NBPF4: variants seen among roughly 807,000 people sequenced by gnomAD.
The protein encoded by NBPF4 is NBPF family member NBPF4.
NBPF4 carries 11 observed loss-of-function variants against 21.1 expected under a neutral mutation model. The ratio of observed to expected loss-of-function variants is 0.52; its 90% confidence interval spans 0.33 to 0.86. The LOEUF (loss-of-function observed/expected upper bound fraction) is 0.86, where lower values mean the gene tolerates loss of function less well. Ranked by LOEUF, NBPF4 falls within the 40% of genes least tolerant of loss-of-function variation. NBPF4 has a pLI of 0.03. For synonymous variants in NBPF4, 47 were observed against 106.4 expected (o/e 0.44, Z 3.43); for missense variants, 88 against 265.3 (o/e 0.33, Z 4.64).
chr1:108,254,096 C>T, the NBPF4 span, among the ~76,000 whole-genome samples: 4 of 101,850 alleles, frequency 3.9e-5, no homozygotes, highest in African/African-American at 7.8e-5. Context: ...TTTTTTTTGG[C>T]GGAGTTTTGC....
At chr1:108,259,388 CAAAT>C in the NBPF4 span, among the ~76,000 whole-genome samples, 1 of 143,430 alleles carries the variant, frequency 7.0e-6, no homozygotes, top group Non-Finnish European at 1.5e-5. Flanking sequence ...TCTAGTTACT[CAAAT>C]GAATTTATCT....
chr1:108,259,859 G>A, the NBPF4 span, among the ~76,000 whole-genome samples: 3 of 149,464 alleles, frequency 2.0e-5, no homozygotes, highest in Admixed American at 6.6e-5. Flanking sequence ...ATTATTAATA[G>A]ATAAAATCTA....
intron 13 of NBPF4, 101 bp downstream of exon 13, chr1:108,228,819 C>A (rs1477067150): frequency 1.4e-6 from 1 of 739,188 alleles, no homozygotes; most frequent in Admixed American, 2.3e-5. Context: ...TCAACTTGAC[C>A]CTGAGGAAGC....
upstream of NBPF4, among the ~76,000 whole-genome samples, chr1:108,245,794 GA>G: frequency 1.6e-5 from 1 of 61,264 alleles, no homozygotes; most frequent in African/African-American, 7.0e-5. Context: ...TGGTTTCTGT[GA>G]TGCTGGAAGA....
At chr1:108,235,050 A>G (rs981092) in intron 9 of NBPF4, among the ~76,000 whole-genome samples, 186 bp downstream of exon 9, 5 of 35,736 alleles carry the variant, frequency 1.4e-4, no homozygotes, top group African/African-American at 6.4e-4. Context: ...TACTGAACTT[A>G]AGAAGTTAAT....
At chr1:108,241,684 A>C (rs1649727737) in intron 3 of NBPF4, among the ~76,000 whole-genome samples, 1 of 106,736 alleles carries the variant, frequency 9.4e-6, no homozygotes, top group African/African-American at 3.0e-5. Context: ...AGTGTTAAGA[A>C]GGCAATATTG....
At chr1:108,256,502 CT>C in the NBPF4 span, among the ~76,000 whole-genome samples, 26 of 117,626 alleles carry the variant, frequency 2.2e-4, no homozygotes, top group African/African-American at 9.1e-4. Flanking sequence ...TTCTTTCTTT[CT>C]TTTTTCTCCC....
At chr1:108,252,684 G>A in the NBPF4 span, among the ~76,000 whole-genome samples, 1 of 141,752 alleles carries the variant, frequency 7.1e-6, no homozygotes, top group East Asian at 2.0e-4. Context: ...ATTTCTTCCA[G>A]TTTTTTTTTT....
chr1:108,259,844 T>C, the NBPF4 span, among the ~76,000 whole-genome samples: 1 of 150,728 alleles, frequency 6.6e-6, no homozygotes, highest in Non-Finnish European at 1.5e-5. Context: ...GTGAGCATCA[T>C]TAATATTATT....
At chr1:108,223,923 G>T (rs1441137192) in intron 14 of NBPF4, among the ~76,000 whole-genome samples, 177 bp from the exon 15 acceptor site, 10 of 151,540 alleles carry the variant, frequency 6.6e-5, no homozygotes, top group Non-Finnish European at 1.5e-4. Context: ...CAAGTGAGAA[G>T]AAAACACTCC....
chr1:108,223,757 G>C lies in NBPF4; in HGVS notation c.1876-11C>G, dbSNP rs1473098175. The stretch of plus-strand genomic sequence containing the variant: ...AGCAGTATTTGGTATCTGTAGGGGA[G>C]AGAGAGAAAAAAAATCAAATGAGCA... On this transcript the variant is annotated splice_polypyrimidine_tract_variant and intron_variant, in intron 14 of 14. Transcript: ENST00000415641. 2.6e-6 allele frequency: 4 copies of C among 1,549,462 alleles called. No individual in the cohort carries two copies. In the Admixed American group the frequency reaches 6.0e-5, roughly 23 times the overall value.
upstream of NBPF4, among the ~76,000 whole-genome samples, chr1:108,247,948 G>A (rs536243482): frequency 5.3e-5 from 8 of 150,244 alleles, no homozygotes; most frequent in East Asian, 5.8e-4. Context: ...CAAGTAGTTC[G>A]AACTCTAGGC....
At chr1:108,225,937 C>CT (rs1188327421) in intron 14 of NBPF4, among the ~76,000 whole-genome samples, 1 of 93,540 alleles carries the variant, frequency 1.1e-5, no homozygotes, top group Non-Finnish European at 2.1e-5. Flanking sequence ...AAGTCCTGCC[C>CT]TCTGCATGTA....
the NBPF4 span, among the ~76,000 whole-genome samples, chr1:108,264,170 T>G: frequency 6.8e-6 from 1 of 147,626 alleles, no homozygotes; most frequent in Non-Finnish European, 1.5e-5. Flanking sequence ...GAACACAGAC[T>G]CAAAGTTAAG....
rs1649344488 is a variant in NBPF4 at position 108,222,725 on chromosome 1, A to G, written c.*980T>C. Among the ~76,000 whole-genome samples the G allele has an allele frequency of 6.6e-6, 1 of 152,222 alleles. No individual in the cohort carries two copies. Among genetic ancestry groups the G allele is most frequent in the African/African-American group, 2.4e-5 (1 of 41,464 alleles). On this transcript the variant is annotated 3_prime_UTR_variant, in exon 15 of 15. Coordinates refer to ENST00000415641, the MANE Select transcript of NBPF4 (RefSeq NM_001143989.3). ...GACAATTTTCAATGTACAAACTTAA[A>G]TATAATAACTGACACAGACGGGGTG...
intron 4 of NBPF4, 60 bp downstream of exon 4, chr1:108,240,890 A>T: frequency 3.0e-5 from 3 of 100,100 alleles, no homozygotes; most frequent in South Asian, 2.4e-4. Flanking sequence ...GGAGGTGTGG[A>T]GGTCTGGGGA....
the NBPF4 span, among the ~76,000 whole-genome samples, chr1:108,252,441 T>C: frequency 2.5e-5 from 1 of 40,528 alleles, no homozygotes; most frequent in Admixed American, 2.8e-4. Flanking sequence ...GGCCTCCTGA[T>C]AGGAGTTAGG....
chr1:108,252,700 G>T, the NBPF4 span, among the ~76,000 whole-genome samples: 2 of 141,116 alleles, frequency 1.4e-5, no homozygotes, highest in Non-Finnish European at 1.5e-5. Flanking sequence ...TTTTTTTCTG[G>T]ATTTGTTGAG....
At chr1:108,252,476 T>A in the NBPF4 span, among the ~76,000 whole-genome samples, 1 of 49,310 alleles carries the variant, frequency 2.0e-5, no homozygotes, top group African/African-American at 9.7e-5. Context: ...CCTCAGTTGT[T>A]TGGAATAATT....
Sources: gnomAD v4.1 joint callset for allele counts (sites outside exome capture counted in the v4.1 genomes callset) on GRCh38, gnomAD v4.1.1 for gene constraint, MANE v1.5 for transcripts, NCBI Gene and HGNC (gene_info 2026-07-23, HGNC 2026-07-21) for gene names.